SH3RF2: variants seen among roughly 807,000 people sequenced by gnomAD.
SH3RF2 encodes SH3 domain containing ring finger 2, also known as E3 ubiquitin-protein ligase SH3RF2.
SH3RF2 carries 43 observed loss-of-function variants against 59.0 expected under a neutral mutation model. The ratio of observed to expected loss-of-function variants is 0.73; its 90% confidence interval spans 0.57 to 0.94. The LOEUF is 0.94. SH3RF2 is among the 40% of genes least tolerant of loss of function. The pLI, the probability that SH3RF2 is intolerant of heterozygous loss-of-function variation, is 0.00. For missense variants in SH3RF2, 930 were observed against 940.1 expected, an observed-to-expected ratio of 0.99 and a Z score of 0.14; for synonymous variants, 391 against 391.5, an observed-to-expected ratio of 1.00 and a Z score of 0.01.
At chr5:146,005,854 T>TAA (rs34318684) in intron 4 of SH3RF2, among the ~76,000 whole-genome samples, 1,646 of 129,632 alleles carry the variant, frequency 0.013, 21 homozygotes, top group African/African-American at 0.038. Context: ...GCACTCTGTT[T>TAA]AAAAAAAAAA....
intron 5 of SH3RF2, among the ~76,000 whole-genome samples, chr5:146,016,074 G>A (rs1005908753): frequency 6.6e-6 from 1 of 152,142 alleles, no homozygotes; most frequent in Non-Finnish European, 1.5e-5. Context: ...ACCCTAGCAG[G>A]TGCTCAATAA....
chr5:145,966,307 T>C (rs1051072807), intron 2 of SH3RF2, among the ~76,000 whole-genome samples: 5 of 151,804 alleles, frequency 3.3e-5, no homozygotes, highest in African/African-American at 9.7e-5. Flanking sequence ...AGAGACAGAG[T>C]GAAATGACTA....
chr5:146,074,240 C>T (rs968729058), intron 9 of SH3RF2, among the ~76,000 whole-genome samples: 1 of 151,952 alleles, frequency 6.6e-6, no homozygotes, highest in African/African-American at 2.4e-5. Context: ...GGGGTTTCAC[C>T]GCCATTAACA....
chr5:145,987,613 G>A (rs1016310884), intron 2 of SH3RF2, among the ~76,000 whole-genome samples: 2 of 151,866 alleles, frequency 1.3e-5, no homozygotes, highest in Non-Finnish European at 2.9e-5. Flanking sequence ...CCTTCATCAC[G>A]TTTACTCCAG....
At chr5:146,004,422 T>C (rs1760551848) in intron 4 of SH3RF2, among the ~76,000 whole-genome samples, 1 of 152,236 alleles carries the variant, frequency 6.6e-6, no homozygotes, top group Admixed American at 6.5e-5. Context: ...TAAAAATGTA[T>C]GCCTCCTTTG....
chr5:146,041,922 C>A (rs999941149), intron 5 of SH3RF2, among the ~76,000 whole-genome samples: 1 of 152,068 alleles, frequency 6.6e-6, no homozygotes, highest in Admixed American at 6.6e-5. Context: ...CAAAGCAAGA[C>A]CCTGTCTCAA....
Position 146,062,995 on chromosome 5 carries a change from G to A in SH3RF2, c.*294G>A. 2.4e-6 allele frequency: 1 copy of A among 425,182 alleles called. No individual in the cohort carries two copies. Among genetic ancestry groups the A allele is most frequent in the Non-Finnish European group, 4.2e-6 (1 of 236,014 alleles). The allele number at this position is 425,182 out of a possible 1,614,324, so 26.3% of individuals were successfully genotyped here. ...CTTTATGCCCCAGCATGGAGTATGT[G>A]GCCTCTTGTCATCCCCGTGTTACTG... is the stretch of plus-strand genomic sequence containing the variant. On this transcript the variant is annotated 3_prime_UTR_variant, in exon 10 of 10. Transcript: ENST00000359120.
At chr5:145,995,358 A>C (rs1295135880) in intron 2 of SH3RF2, among the ~76,000 whole-genome samples, 1 of 152,232 alleles carries the variant, frequency 6.6e-6, no homozygotes, top group Non-Finnish European at 1.5e-5. Context: ...ACAATGGAAA[A>C]TTGAGAGGAA....
At chr5:146,002,296 C>T (rs1226415703) in intron 3 of SH3RF2, among the ~76,000 whole-genome samples, 1 of 152,090 alleles carries the variant, frequency 6.6e-6, no homozygotes, top group Non-Finnish European at 1.5e-5. Context: ...ACTAAAAATA[C>T]AAAAATTAGT....
chr5:146,016,539 G>A (rs1188027914), intron 5 of SH3RF2, among the ~76,000 whole-genome samples: 2 of 152,166 alleles, frequency 1.3e-5, no homozygotes, highest in Non-Finnish European at 2.9e-5. Context: ...AACCTTTGTA[G>A]GGGAGGTATT....
chr5:146,062,788 T>C lies in SH3RF2; in HGVS notation c.*87T>C. The C allele has an allele frequency of 6.6e-7, 1 of 1,516,054 alleles. No individual in the cohort carries two copies. The highest frequency in any genetic ancestry group is 8.9e-7 in the Non-Finnish European group (1 of 1,128,728). The allele number at this position is 1,516,054 out of a possible 1,614,324, so 93.9% of individuals were successfully genotyped here. On this transcript the variant is annotated 3_prime_UTR_variant, in exon 10 of 10. Coordinates refer to ENST00000359120, the MANE Select transcript of SH3RF2 (RefSeq NM_152550.4). ...CCACTGAGGGCATCCTGCCATTCTT[T>C]GGGGACTTGAGCATGGGTCCTTGTT...
intron 5 of SH3RF2, among the ~76,000 whole-genome samples, chr5:146,038,848 G>C (rs1762031436): frequency 6.6e-6 from 1 of 152,334 alleles, no homozygotes; most frequent in South Asian, 2.1e-4. Context: ...AACGCCAAGT[G>C]CCAAGACACT....
intron 5 of SH3RF2, among the ~76,000 whole-genome samples, chr5:146,035,654 TG>T (rs1209307279): frequency 6.6e-6 from 1 of 152,208 alleles, no homozygotes; most frequent in African/African-American, 2.4e-5. Context: ...CCTCTCCTTG[TG>T]GGTCCACATT....
intron 5 of SH3RF2, among the ~76,000 whole-genome samples, chr5:146,025,160 T>C (rs1283218806): frequency 7.9e-5 from 12 of 152,246 alleles, no homozygotes; most frequent in East Asian, 5.8e-4. Flanking sequence ...TCAGCATATA[T>C]TGGGGAGTCC....
chr5:146,002,470 A>AAGGG (rs1760458667), intron 3 of SH3RF2, among the ~76,000 whole-genome samples: 1 of 9,374 alleles, frequency 1.1e-4, no homozygotes, highest in Non-Finnish European at 2.4e-4. Context: ...AAAGAAAGAA[A>AAGGG]AGGAAGGAAG....
At chr5:145,987,618 C>T (rs562961918) in intron 2 of SH3RF2, among the ~76,000 whole-genome samples, 2 of 152,288 alleles carry the variant, frequency 1.3e-5, no homozygotes, top group East Asian at 3.9e-4. Context: ...ATCACGTTTA[C>T]TCCAGCTTGC....
At chr5:145,956,633 T>C (rs370330358) in intron 2 of SH3RF2, among the ~76,000 whole-genome samples, 124 of 152,200 alleles carry the variant, frequency 8.1e-4, no homozygotes, top group African/African-American at 3.0e-3. Context: ...GCAAAGGGGT[T>C]AAGATATAGA....
At chr5:146,034,217 C>T (rs78227287) in intron 5 of SH3RF2, among the ~76,000 whole-genome samples, 17 of 152,294 alleles carry the variant, frequency 1.1e-4, no homozygotes, top group Admixed American at 3.3e-4. Flanking sequence ...TATTTCCCAT[C>T]AAATGCAGTG....
chr5:145,958,349 T>C (rs545256723), intron 2 of SH3RF2, among the ~76,000 whole-genome samples: 5 of 152,224 alleles, frequency 3.3e-5, no homozygotes, highest in South Asian at 4.2e-4. Context: ...GGGAGCAGAA[T>C]TGAGGTGCAG....
Sources: allele counts gnomAD v4.1 joint callset (sites outside exome capture counted in the v4.1 genomes callset), GRCh38; gene constraint gnomAD v4.1.1; transcripts MANE v1.5; gene names NCBI Gene and HGNC (gene_info 2026-07-23, HGNC 2026-07-21).